Variants in TRAPPC9 observed in about 807,000 individuals in gnomAD.
TRAPPC9 encodes trafficking protein particle complex subunit 9.
A neutral mutation model predicts 124.0 loss-of-function variants in TRAPPC9; 83 were observed. That is an observed-to-expected ratio of 0.67 (90% CI 0.56 to 0.80). TRAPPC9 has a LOEUF of 0.80. TRAPPC9 is among the 30% of genes least tolerant of loss of function. The probability of loss-of-function intolerance (pLI) is 0.00; values close to 1 mark genes in which losing one functional copy is unlikely to be tolerated. For missense variants in TRAPPC9, 1,302 were observed against 1,508.3 expected (o/e 0.86, Z 2.27); for synonymous variants, 638 against 617.5 (o/e 1.03, Z -0.49).
In TRAPPC9 at chr8:140,030,072, C is replaced by T. The variant is rs116971638; in HGVS notation, c.2557-5993G>A. On this transcript the variant is annotated intron_variant, in intron 17 of 22. Coordinates refer to ENST00000438773, the MANE Select transcript of TRAPPC9 (RefSeq NM_001160372.4). ...CAATAGCTTCAGAAATAATAGTTGA[C>T]GAAATTCAAAACCCATTTATAGTTT... 5.4e-3 allele frequency among the ~76,000 whole-genome samples: 817 copies of T among 152,136 alleles called. 1 individual carries two copies. The highest frequency in any genetic ancestry group is 0.015 in the East Asian group (80 of 5,186).
intron 21 of TRAPPC9, among the ~76,000 whole-genome samples, chr8:139,833,116 G>A (rs1277870375): frequency 1.3e-5 from 2 of 152,082 alleles, no homozygotes; most frequent in Non-Finnish European, 2.9e-5. Context: ...CTGGGGCCTC[G>A]GTCCTACAGC....
chr8:139,876,746 A>T (rs933452296), intron 21 of TRAPPC9, among the ~76,000 whole-genome samples: 1 of 152,142 alleles, frequency 6.6e-6, no homozygotes. Context: ...TCTCCTTACC[A>T]GCCCACCCAT....
At chr8:140,140,024 C>T (rs1449776433) in intron 17 of TRAPPC9, among the ~76,000 whole-genome samples, 1 of 152,214 alleles carries the variant, frequency 6.6e-6, no homozygotes, top group African/African-American at 2.4e-5. Flanking sequence ...ACAACGACCA[C>T]ACCCAGTGAA....
chr8:140,370,196 G>A (rs2068241531), intron 8 of TRAPPC9, among the ~76,000 whole-genome samples: 1 of 151,706 alleles, frequency 6.6e-6, no homozygotes, highest in South Asian at 2.1e-4. Context: ...CTGGAGTGCA[G>A]TAGCACGATC....
intron 18 of TRAPPC9, among the ~76,000 whole-genome samples, chr8:139,997,341 C>T (rs1838071289): frequency 1.4e-5 from 2 of 145,068 alleles, no homozygotes; most frequent in African/African-American, 5.2e-5. Context: ...CTACACAGGG[C>T]AGACAACGCA....
chr8:140,081,783 T>G (rs1225616055), intron 17 of TRAPPC9, among the ~76,000 whole-genome samples: 2 of 152,218 alleles, frequency 1.3e-5, no homozygotes, highest in Non-Finnish European at 2.9e-5. Context: ...CCCAAATGTT[T>G]CAATCTGCTA....
intron 21 of TRAPPC9, among the ~76,000 whole-genome samples, chr8:139,745,198 G>A (rs1442601008): frequency 6.6e-6 from 1 of 152,250 alleles, no homozygotes; most frequent in African/African-American, 2.4e-5. Context: ...ACGGATACCA[G>A]GCCAGGATCC....
chr8:140,233,363 C>A (rs1307572194), intron 16 of TRAPPC9, among the ~76,000 whole-genome samples: 1 of 152,042 alleles, frequency 6.6e-6, no homozygotes, highest in Non-Finnish European at 1.5e-5. Flanking sequence ...TGCCACCGCG[C>A]CCAGCTAATT....
At chr8:139,976,352 A>C (rs1368310580) in intron 19 of TRAPPC9, among the ~76,000 whole-genome samples, 1 of 152,240 alleles carries the variant, frequency 6.6e-6, no homozygotes, top group East Asian at 1.9e-4. Flanking sequence ...ATAGGAGAAC[A>C]TATTTGTGAC....
chr8:140,190,388 C>A (rs562814075), intron 17 of TRAPPC9, among the ~76,000 whole-genome samples: 2 of 152,210 alleles, frequency 1.3e-5, no homozygotes, highest in Admixed American at 1.3e-4. Flanking sequence ...AACTCGGGAG[C>A]CGGAGGTTGC....
intron 9 of TRAPPC9, among the ~76,000 whole-genome samples, chr8:140,312,517 A>G (rs2066323949): frequency 6.6e-6 from 1 of 152,186 alleles, no homozygotes; most frequent in African/African-American, 2.4e-5. Context: ...TGAATGGCAG[A>G]TACGGTGCAC....
intron 19 of TRAPPC9, among the ~76,000 whole-genome samples, chr8:139,987,793 G>A (rs564118102): frequency 1.2e-4 from 18 of 152,276 alleles, no homozygotes; most frequent in African/African-American, 3.1e-4. Flanking sequence ...GAGGGGCTCC[G>A]CCATGGAAGG....
intron 16 of TRAPPC9, among the ~76,000 whole-genome samples, chr8:140,227,548 T>C (rs1438915665): frequency 6.6e-6 from 1 of 152,226 alleles, no homozygotes; most frequent in Non-Finnish European, 1.5e-5. Flanking sequence ...TAAGAGCAAC[T>C]CTGTGGGAAA....
At chr8:140,300,718 G>C in intron 10 of TRAPPC9, 104 bp from the exon 11 acceptor site, 1 of 1,443,808 alleles carries the variant, frequency 6.9e-7, no homozygotes, top group South Asian at 1.2e-5. Context: ...AAATCAGTCA[G>C]AAGGAAGATA....
intron 21 of TRAPPC9, among the ~76,000 whole-genome samples, chr8:139,793,977 G>A (rs76100533): frequency 0.06 from 9,113 of 152,070 alleles, 400 homozygotes; most frequent in East Asian, 0.14. Flanking sequence ...TCCCGACACG[G>A]CCTCTGCATG....
At chr8:140,127,748 T>C (rs1246172654) in intron 17 of TRAPPC9, among the ~76,000 whole-genome samples, 1 of 152,222 alleles carries the variant, frequency 6.6e-6, no homozygotes, top group African/African-American at 2.4e-5. Context: ...ATAGCTACCA[T>C]ATCCAAAAGC....
intron 17 of TRAPPC9, among the ~76,000 whole-genome samples, chr8:140,101,365 A>T (rs2130374007): frequency 6.6e-6 from 1 of 151,688 alleles, no homozygotes. Flanking sequence ...TGAACTCTTG[A>T]CCTCAGGTGA....
At chr8:140,112,841 C>CT (rs34920600) in intron 17 of TRAPPC9, among the ~76,000 whole-genome samples, 2,084 of 129,274 alleles carry the variant, frequency 0.016, 60 homozygotes, top group African/African-American at 0.054. Context: ...TTTTAATTTC[C>CT]TTTTTTTTTT....
At chr8:139,838,720 CT>C (rs1230306134) in intron 21 of TRAPPC9, among the ~76,000 whole-genome samples, 2 of 152,196 alleles carry the variant, frequency 1.3e-5, no homozygotes, top group African/African-American at 4.8e-5. Context: ...GAGGAGCAGC[CT>C]CATGGAACAC....
Sources: gnomAD v4.1 joint callset for allele counts (sites outside exome capture counted in the v4.1 genomes callset) on GRCh38, gnomAD v4.1.1 for gene constraint, MANE v1.5 for transcripts, NCBI Gene and HGNC (gene_info 2026-07-23, HGNC 2026-07-21) for gene names.